TNFSF4: variants seen among roughly 807,000 people sequenced by gnomAD.
TNFSF4 encodes tumor necrosis factor ligand superfamily member 4.
TNFSF4 carries 4 observed loss-of-function variants against 7.3 expected under a neutral mutation model. The ratio of observed to expected loss-of-function variants is 0.55; its 90% confidence interval spans 0.27 to 1.25. The LOEUF (loss-of-function observed/expected upper bound fraction) is 1.25, where lower values mean the gene tolerates loss of function less well. Among genes scored for constraint, TNFSF4 ranks in the 50% most tolerant of loss-of-function variants. The probability of loss-of-function intolerance (pLI) is 0.12; values close to 1 mark genes in which losing one functional copy is unlikely to be tolerated. For missense variants in TNFSF4, 181 were observed against 208.8 expected, an observed-to-expected ratio of 0.87 and a Z score of 0.82; for synonymous variants, 76 against 83.7, an observed-to-expected ratio of 0.91 and a Z score of 0.50.
At chr1:173,385,974 C>T in the TNFSF4 span, among the ~76,000 whole-genome samples, 1 of 152,118 alleles carries the variant, frequency 6.6e-6, no homozygotes, top group Non-Finnish European at 1.5e-5. Flanking sequence ...GCCAGGTCAC[C>T]GTTTGATAAG....
chr1:173,268,343 T>C, the TNFSF4 span, among the ~76,000 whole-genome samples: 1 of 152,076 alleles, frequency 6.6e-6, no homozygotes, highest in Non-Finnish European at 1.5e-5. Context: ...TGATGCTCAA[T>C]ATATGTAAAG....
chr1:173,198,021 A>G (rs1241792873), intron 1 of TNFSF4, among the ~76,000 whole-genome samples: 1 of 152,188 alleles, frequency 6.6e-6, no homozygotes, highest in Non-Finnish European at 1.5e-5. Flanking sequence ...TAAAAGTTCA[A>G]TGTAGAGAAG....
At chr1:173,190,397 C>T (rs548418893) in intron 1 of TNFSF4, among the ~76,000 whole-genome samples, 11 of 152,270 alleles carry the variant, frequency 7.2e-5, no homozygotes, top group South Asian at 4.1e-4. Context: ...CCCACACAGA[C>T]GAGGAATTCC....
the TNFSF4 span, chr1:173,351,937 A>G: frequency 1.8e-6 from 1 of 541,856 alleles, no homozygotes; most frequent in Non-Finnish European, 3.4e-6. Context: ...CCTGAACAGA[A>G]AGCCAAATCT....
the TNFSF4 span, among the ~76,000 whole-genome samples, chr1:173,359,887 G>C: frequency 6.6e-6 from 1 of 152,238 alleles, no homozygotes; most frequent in Non-Finnish European, 1.5e-5. Flanking sequence ...TGATGTTCCA[G>C]GTCCTGCCTG....
chr1:173,246,153 CT>C, the TNFSF4 span, among the ~76,000 whole-genome samples: 26 of 152,116 alleles, frequency 1.7e-4, no homozygotes, highest in Admixed American at 2.0e-4. Context: ...AACATCTATA[CT>C]TTTTTTTATT....
the TNFSF4 span, among the ~76,000 whole-genome samples, chr1:173,231,272 G>A: frequency 2.6e-5 from 4 of 152,202 alleles, no homozygotes; most frequent in Non-Finnish European, 5.9e-5. Flanking sequence ...TCACCCCTGG[G>A]ATGCAAGGCT....
chr1:173,293,537 C>G, the TNFSF4 span, among the ~76,000 whole-genome samples: 1 of 151,980 alleles, frequency 6.6e-6, no homozygotes, highest in African/African-American at 2.4e-5. Flanking sequence ...CTAGGAAATA[C>G]CATTCTGGAC....
the TNFSF4 span, among the ~76,000 whole-genome samples, chr1:173,368,684 T>C: frequency 3.9e-5 from 6 of 152,094 alleles, no homozygotes; most frequent in East Asian, 1.2e-3. Context: ...AAGAAAGCCA[T>C]TCAGCTTCGG....
chr1:173,272,822 TG>T, the TNFSF4 span, among the ~76,000 whole-genome samples: 7 of 152,118 alleles, frequency 4.6e-5, no homozygotes, highest in Non-Finnish European at 8.8e-5. Context: ...AGGGTCCCAC[TG>T]GTAAAACTGT....
At chr1:173,248,475 AGAAG>A in the TNFSF4 span, among the ~76,000 whole-genome samples, 178 of 148,860 alleles carry the variant, frequency 1.2e-3, 1 homozygote, top group African/African-American at 3.2e-3. Context: ...AGAAAAAGAA[AGAAG>A]GAAGGAAGGA....
chr1:173,362,097 G>A, the TNFSF4 span, among the ~76,000 whole-genome samples: 2 of 152,188 alleles, frequency 1.3e-5, no homozygotes, highest in Non-Finnish European at 2.9e-5. Flanking sequence ...GTAAGCATGA[G>A]AATGGCAAAT....
chr1:173,348,452 T>C, the TNFSF4 span, among the ~76,000 whole-genome samples: 1 of 152,238 alleles, frequency 6.6e-6, no homozygotes, highest in South Asian at 2.1e-4. Context: ...ATCTCAGGTA[T>C]GTCTTTATCA....
the TNFSF4 span, among the ~76,000 whole-genome samples, chr1:173,225,685 C>T: frequency 6.6e-6 from 1 of 152,104 alleles, no homozygotes; most frequent in Non-Finnish European, 1.5e-5. Context: ...GACTAGCTTC[C>T]CTTAATAATT....
the TNFSF4 span, among the ~76,000 whole-genome samples, chr1:173,449,876 T>C: frequency 1.3e-5 from 2 of 151,776 alleles, no homozygotes; most frequent in South Asian, 2.1e-4. Context: ...GTGACAAAAC[T>C]AGAAAAAGAA....
the TNFSF4 span, among the ~76,000 whole-genome samples, chr1:173,383,530 C>G: frequency 1.3e-5 from 2 of 152,258 alleles, no homozygotes; most frequent in Admixed American, 1.3e-4. Context: ...TGAAGATTAC[C>G]TCATTTCCTT....
chr1:173,302,704 TA>T, the TNFSF4 span, among the ~76,000 whole-genome samples: 1 of 151,640 alleles, frequency 6.6e-6, no homozygotes, highest in Non-Finnish European at 1.5e-5. Context: ...AAAATAAAAC[TA>T]AAAATCACTT....
the TNFSF4 span, among the ~76,000 whole-genome samples, chr1:173,447,558 T>C: frequency 6.6e-6 from 1 of 152,138 alleles, no homozygotes; most frequent in Admixed American, 6.6e-5. Flanking sequence ...GCTCTAAAAA[T>C]AGTCTTTTTA....
chr1:173,264,154 A>AT, the TNFSF4 span, among the ~76,000 whole-genome samples: 1 of 151,962 alleles, frequency 6.6e-6, no homozygotes, highest in Non-Finnish European at 1.5e-5. Flanking sequence ...AATATTTTGA[A>AT]TTTTTTTGAG....
Sources: gnomAD v4.1 joint callset for allele counts (sites outside exome capture counted in the v4.1 genomes callset) on GRCh38, gnomAD v4.1.1 for gene constraint, MANE v1.5 for transcripts, NCBI Gene and HGNC (gene_info 2026-07-23, HGNC 2026-07-21) for gene names.